The following TRPM3 variants were observed in gnomAD, a reference collection of about 807,000 sequenced individuals.
TRPM3 encodes transient receptor potential cation channel subfamily M member 3.
A neutral mutation model predicts 181.2 loss-of-function variants in TRPM3; 77 were observed. That is an observed-to-expected ratio of 0.42 (90% CI 0.35 to 0.51). The LOEUF (loss-of-function observed/expected upper bound fraction) is 0.51. Among genes scored for constraint, TRPM3 ranks in the 20% least tolerant of loss-of-function variants. The pLI is 0.01. For missense variants in TRPM3, 1,759 were observed against 2,196.7 expected, an observed-to-expected ratio of 0.80 and a Z score of 3.98; for synonymous variants, 745 against 796.4, an observed-to-expected ratio of 0.94 and a Z score of 1.09.
chr9:71,098,081 T>C (rs1311836229), intron 1 of TRPM3, among the ~76,000 whole-genome samples: 4 of 152,162 alleles, frequency 2.6e-5, no homozygotes, highest in African/African-American at 9.6e-5. Context: ...GGAATTTCAC[T>C]GTGTGACAAT....
chr9:71,296,579 T>TTAAGGAGGGCAGGAGGAAACTCTGAAGG (rs1294463585), intron 1 of TRPM3, among the ~76,000 whole-genome samples: 45 of 152,170 alleles, frequency 3.0e-4, no homozygotes, highest in Non-Finnish European at 5.6e-4. Flanking sequence ...CCTCATGAGA[T>TTAAGGAGGGCAGGAGGAAACTCTGAAGG]TAAGGAGGGC....
intron 1 of TRPM3, among the ~76,000 whole-genome samples, chr9:71,203,434 T>C (rs1020755660): frequency 2.0e-5 from 3 of 152,228 alleles, no homozygotes; most frequent in South Asian, 2.1e-4. Context: ...AAACACAATA[T>C]ATATACAGTC....
At position 70,784,199 on chromosome 9, in the gene TRPM3, G is replaced by A. The variant is rs746522563; in HGVS notation, c.1054C>T (p.Arg352Ter). 6.2e-7 allele frequency: 1 copy of A among 1,613,652 alleles called. No homozygotes were observed. The highest frequency in any genetic ancestry group is 1.7e-5 in the Admixed American group (1 of 59,958). The part of the protein sequence containing the change: ...NVISIVLEYL[R>*]DTPPVPVVVC... ...ACCACTGGCACGGGAGGGGTGTCTC[G>A]AAGGTACTCCAAAACAATCGAGATC... Residue 352 changes from arginine to a stop codon, truncating the protein, a stop_gained, in exon 7 of 26, where the codon CGA (arginine) becomes TGA (stop). Transcript: ENST00000677713. LOFTEE classifies it high-confidence loss of function.
intron 8 of TRPM3, among the ~76,000 whole-genome samples, chr9:70,685,603 C>T (rs1333011697): frequency 1.3e-5 from 2 of 152,148 alleles, no homozygotes; most frequent in African/African-American, 4.8e-5. Context: ...ATGGGGGTCT[C>T]ACTATGTTGC....
rs1047840799 is a variant in TRPM3 at position 70,620,181 on chromosome 9, A to G, written c.2024T>C (p.Met675Thr). The part of the protein sequence containing the change: ...LFFWQHGEEA[M>T]AKALVACKLC... Reference sequence around the variant, plus strand: ...CTTGCAGGCCACCAGGGCCTTGGCCATGGCCTCCTCACCGTGCTGCCAGAA... The same window carrying G: ...CTTGCAGGCCACCAGGGCCTTGGCCGTGGCCTCCTCACCGTGCTGCCAGAA... The change falls in exon 16 of 26, where the codon ATG (methionine) becomes ACG (threonine). Residue 675 changes from methionine (M) to threonine (T), a missense_variant. Coordinates refer to ENST00000677713, the MANE Select transcript of TRPM3 (RefSeq NM_001366145.2). 1.9e-6 allele frequency: 3 copies of G among 1,614,100 alleles called. No individual in the cohort carries two copies. Among genetic ancestry groups the G allele is most frequent in the African/African-American group, 1.3e-5 (1 of 74,946 alleles).
intron 1 of TRPM3, among the ~76,000 whole-genome samples, chr9:71,162,864 T>C (rs10746861): frequency 0.29 from 44,033 of 152,016 alleles, 7,170 homozygotes; most frequent in Middle Eastern, 0.47. Context: ...CAAGATGCTA[T>C]AGGAACACAA....
At chr9:70,831,978 T>TTTATATATATATATATAA (rs2093945372) in intron 5 of TRPM3, among the ~76,000 whole-genome samples, 2 of 114,454 alleles carry the variant, frequency 1.7e-5, no homozygotes, top group African/African-American at 6.1e-5. Context: ...TATATATATA[T>TTTATATATATATATATAA]ATATATATAT....
chr9:70,699,184 C>T (rs2071584927), intron 8 of TRPM3, among the ~76,000 whole-genome samples: 1 of 152,000 alleles, frequency 6.6e-6, no homozygotes, highest in Non-Finnish European at 1.5e-5. Flanking sequence ...TCAAATATCA[C>T]CAAAATCAAG....
chr9:71,009,510 T>C (rs1299412774), intron 1 of TRPM3, among the ~76,000 whole-genome samples: 4 of 152,058 alleles, frequency 2.6e-5, no homozygotes, highest in African/African-American at 9.7e-5. Context: ...AAAAGATACC[T>C]ATGAATAAAC....
intron 1 of TRPM3, among the ~76,000 whole-genome samples, chr9:71,401,191 C>T (rs10081752): frequency 7.6e-6 from 1 of 132,398 alleles, no homozygotes; most frequent in Non-Finnish European, 1.5e-5. Context: ...AAGTGAGACA[C>T]CATCGCAAAA....
At chr9:70,792,421 G>A (rs1275023074) in intron 6 of TRPM3, among the ~76,000 whole-genome samples, 1 of 151,958 alleles carries the variant, frequency 6.6e-6, no homozygotes, top group Non-Finnish European at 1.5e-5. Context: ...ATGGCCCCAG[G>A]AAGAGGGAAG....
At position 70,531,414 on chromosome 9, in the gene TRPM3, A is replaced by G. The variant is rs2040857885; in HGVS notation, c.*4539T>C. ...AATTCTTAACTGGCTTAAGCGTCAC[A>G]GCAGGCAATAGTAAAATGTTAAGTG... On this transcript the variant is annotated 3_prime_UTR_variant, in exon 26 of 26. Transcript: ENST00000677713. 6.6e-6 allele frequency: 1 copy of G among 152,238 alleles called. No individual in the cohort carries two copies. Among genetic ancestry groups the G allele is most frequent in the African/African-American group, 2.4e-5 (1 of 41,458 alleles). 9.4% of individuals were successfully genotyped at this position (152,238 alleles called of 1,614,324 possible). A position where few individuals can be genotyped will look rare whatever the true frequency, so the allele number is the denominator to read the frequency against.
chr9:71,221,975 G>A (rs1026162553), intron 1 of TRPM3, among the ~76,000 whole-genome samples: 1 of 152,202 alleles, frequency 6.6e-6, no homozygotes, highest in African/African-American at 2.4e-5. Context: ...CCACTAAGAT[G>A]TGGGTTCTTA....
chr9:70,899,535 G>A (rs1413531152), intron 1 of TRPM3, among the ~76,000 whole-genome samples: 1 of 152,054 alleles, frequency 6.6e-6, no homozygotes, highest in Non-Finnish European at 1.5e-5. Context: ...TTTTTCTTGT[G>A]CTGCTTCCTT....
chr9:71,039,929 G>C (rs2058640707), intron 1 of TRPM3, among the ~76,000 whole-genome samples: 1 of 151,922 alleles, frequency 6.6e-6, no homozygotes, highest in Non-Finnish European at 1.5e-5. Flanking sequence ...TTATAATATG[G>C]GTTCAAAATT....
At chr9:71,354,551 C>A (rs910377484) in intron 1 of TRPM3, among the ~76,000 whole-genome samples, 1 of 152,180 alleles carries the variant, frequency 6.6e-6, no homozygotes, top group Admixed American at 6.5e-5. Context: ...TCAAAAGATA[C>A]CTGAGTAATA....
chr9:70,801,016 T>C (rs1056169758), intron 6 of TRPM3, among the ~76,000 whole-genome samples: 11 of 152,238 alleles, frequency 7.2e-5, no homozygotes, highest in Middle Eastern at 3.2e-3. Context: ...GTCTGAATTC[T>C]TGGTGCTCTA....
At chr9:70,631,219 C>A (rs899892294) in intron 12 of TRPM3, among the ~76,000 whole-genome samples, 1 of 152,174 alleles carries the variant, frequency 6.6e-6, no homozygotes, top group Non-Finnish European at 1.5e-5. Context: ...GAGGACATCA[C>A]CCCAATGTAC....
At chr9:70,776,369 C>A (rs2081358240) in intron 7 of TRPM3, 3 of 676,218 alleles carry the variant, frequency 4.4e-6, no homozygotes, top group South Asian at 3.3e-5. Context: ...CCCCTGGAAC[C>A]CTGCCTCTCA....
Sources: gnomAD v4.1 joint callset for allele counts (sites outside exome capture counted in the v4.1 genomes callset) on GRCh38, gnomAD v4.1.1 for gene constraint, MANE v1.5 for transcripts, NCBI Gene and HGNC (gene_info 2026-07-23, HGNC 2026-07-21) for gene names.